ZFHX3: variants seen among roughly 807,000 people sequenced by gnomAD.
ZFHX3 encodes the protein zinc finger homeobox protein 3.
ZFHX3 carries 42 observed loss-of-function variants against 279.1 expected under a neutral mutation model. The ratio of observed to expected loss-of-function variants is 0.15; its 90% CI spans 0.12 to 0.19. The LOEUF is 0.19. Among genes scored for constraint, ZFHX3 ranks in the 10% least tolerant of loss-of-function variants. The pLI, the probability that ZFHX3 is intolerant of heterozygous loss-of-function variation, is 1.00. For missense variants in ZFHX3, 4,981 were observed against 4,754.0 expected (o/e 1.05, Z -1.40); for synonymous variants, 2,293 against 1,957.8 (o/e 1.17, Z -4.52).
At chr16:73,768,111 T>C (rs1055683512) in intron 1 of ZFHX3, among the ~76,000 whole-genome samples, 4 of 152,194 alleles carry the variant, frequency 2.6e-5, no homozygotes, top group Non-Finnish European at 5.9e-5. Context: ...GGCCACTTAC[T>C]GTGGAATAAA....
At chr16:73,868,328 C>T (rs1360672339) in intron 1 of ZFHX3, among the ~76,000 whole-genome samples, 2 of 152,178 alleles carry the variant, frequency 1.3e-5, no homozygotes, top group East Asian at 3.9e-4. Context: ...TCAAGACCAG[C>T]CTGGCCAACA....
chr16:73,442,634 G>A (rs750839219), intron 3 of ZFHX3, among the ~76,000 whole-genome samples: 1 of 152,098 alleles, frequency 6.6e-6, no homozygotes, highest in Non-Finnish European at 1.5e-5. Flanking sequence ...CCAGTATATG[G>A]TAATCTTAAA....
intron 4 of ZFHX3, among the ~76,000 whole-genome samples, chr16:72,870,650 G>A (rs1160747489): frequency 1.3e-5 from 2 of 149,550 alleles, no homozygotes; most frequent in Non-Finnish European, 3.0e-5. Context: ...CCCAGGAGGC[G>A]GAGCTTGCAG....
chr16:73,396,905 G>A (rs887454000), intron 3 of ZFHX3, among the ~76,000 whole-genome samples: 2 of 152,216 alleles, frequency 1.3e-5, no homozygotes, highest in African/African-American at 2.4e-5. Flanking sequence ...CCATGTGGAT[G>A]AGTTCTTACC....
At chr16:73,340,188 AGAG>A (rs1430386669) in intron 3 of ZFHX3, among the ~76,000 whole-genome samples, 2 of 152,220 alleles carry the variant, frequency 1.3e-5, no homozygotes, top group African/African-American at 2.4e-5. Context: ...AGAGGTGCTC[AGAG>A]GAGGTTATTG....
chr16:73,355,238 C>T (rs2016318346), intron 3 of ZFHX3, among the ~76,000 whole-genome samples: 1 of 152,216 alleles, frequency 6.6e-6, no homozygotes, highest in East Asian at 1.9e-4. Flanking sequence ...ACACTCTTTT[C>T]TGCCTTTTCT....
In ZFHX3 at chr16:72,783,726, G is replaced by GA. The variant is rs2035224510; in HGVS notation, c.*3437dup. 6.6e-6 allele frequency: 1 copy of GA among 152,114 alleles called. No individual in the cohort carries two copies. Among genetic ancestry groups the GA allele is most frequent in the South Asian group, 2.1e-4 (1 of 4,830 alleles). 9.4% of individuals were successfully genotyped at this position (152,114 alleles called of 1,614,324 possible). On this transcript the variant is annotated 3_prime_UTR_variant, in exon 10 of 10. Coordinates refer to ENST00000268489, the MANE Select transcript of ZFHX3 (RefSeq NM_006885.4). Reference sequence around the variant, plus strand: ...CTAGCACCAACCCACACTATAGGGAGAAAACCAAAAAACGAGTGTCAATGG... The same window carrying GA: ...CTAGCACCAACCCACACTATAGGGAGAAAAACCAAAAAACGAGTGTCAATGG...
chr16:73,106,906 G>A (rs16971592), intron 7 of ZFHX3, among the ~76,000 whole-genome samples: 1,685 of 152,264 alleles, frequency 0.011, 24 homozygotes, highest in African/African-American at 0.03. Context: ...CACTGCTATC[G>A]TCTCAGACAT....
chr16:73,763,324 G>A (rs1381615733), intron 1 of ZFHX3, among the ~76,000 whole-genome samples: 1 of 152,154 alleles, frequency 6.6e-6, no homozygotes, highest in Non-Finnish European at 1.5e-5. Flanking sequence ...AAAACAGAAT[G>A]TAACTAATGG....
At chr16:72,934,807 C>G (rs1465722689) in intron 3 of ZFHX3, among the ~76,000 whole-genome samples, 1 of 152,154 alleles carries the variant, frequency 6.6e-6, no homozygotes, top group African/African-American at 2.4e-5. Context: ...TGCAGCCGCA[C>G]ATCAGAATCC....
intron 1 of ZFHX3, among the ~76,000 whole-genome samples, chr16:73,783,080 C>A (rs924856142): frequency 6.6e-6 from 1 of 152,114 alleles, no homozygotes; most frequent in African/African-American, 2.4e-5. Flanking sequence ...GGTGAGCAGC[C>A]CACTCCCAGC....
At chr16:73,384,231 T>C (rs1031512673) in intron 3 of ZFHX3, among the ~76,000 whole-genome samples, 1 of 152,222 alleles carries the variant, frequency 6.6e-6, no homozygotes, top group Non-Finnish European at 1.5e-5. Context: ...CACCCCTGTG[T>C]TTACATATAG....
chr16:72,819,425 GA>G (rs1381677933), intron 5 of ZFHX3, among the ~76,000 whole-genome samples: 1 of 152,188 alleles, frequency 6.6e-6, no homozygotes. Context: ...GCAAATGCCA[GA>G]ATGTGTCAGA....
At chr16:73,811,200 G>A (rs144707800) in intron 1 of ZFHX3, among the ~76,000 whole-genome samples, 137 of 152,232 alleles carry the variant, frequency 9.0e-4, no homozygotes, top group Middle Eastern at 3.4e-3. Context: ...TGAAAACCAA[G>A]CTAGAATTTG....
At chr16:73,253,736 T>A (rs1186516732) in intron 5 of ZFHX3, among the ~76,000 whole-genome samples, 1 of 152,056 alleles carries the variant, frequency 6.6e-6, no homozygotes, top group African/African-American at 2.4e-5. Context: ...ATTACAGGCA[T>A]GAGCCACCAC....
intron 1 of ZFHX3, among the ~76,000 whole-genome samples, chr16:73,683,547 A>AT (rs891372079): frequency 8.1e-5 from 12 of 148,620 alleles, no homozygotes; most frequent in Non-Finnish European, 1.0e-4. Flanking sequence ...ATGTTTTGGG[A>AT]TTTTTTTTTT....
rs376254898 is a variant in ZFHX3 at position 73,495,941 on chromosome 16, T to C, written c.-1546-39683A>G. ...TCTTTCCTATTGTGGGTTACATCAC[T>C]TTTCATCACGGTCGTGCTGCAGAAA... On this transcript the variant is annotated intron_variant, in intron 2 of 17. Transcript: ENST00000641206. 9.2e-5 allele frequency among the ~76,000 whole-genome samples: 14 copies of C among 152,364 alleles called. No individual in the cohort carries two copies. In the East Asian group the frequency reaches 2.3e-3, roughly 25 times the overall value.
intron 2 of ZFHX3, 90 bp downstream of exon 2, chr16:72,957,337 A>C: frequency 6.9e-7 from 1 of 1,458,234 alleles, no homozygotes; most frequent in Non-Finnish European, 9.2e-7. Context: ...ACCAGAGTCA[A>C]CTGAATCCAC....
intron 3 of ZFHX3, chr16:73,401,371 A>ACACACACACACACACAC (rs1555514057): frequency 1.7e-5 from 2 of 120,848 alleles, no homozygotes; most frequent in Non-Finnish European, 3.4e-5. Context: ...CAAAAAACAA[A>ACACACACACACACACAC]ACACACACAC....
Sources: gnomAD v4.1 joint callset for allele counts (sites outside exome capture counted in the v4.1 genomes callset) on GRCh38, gnomAD v4.1.1 for gene constraint, MANE v1.5 for transcripts, NCBI Gene and HGNC (gene_info 2026-07-23, HGNC 2026-07-21) for gene names.